DGKH: variants seen among roughly 807,000 people sequenced by gnomAD.
DGKH encodes the protein DAG kinase eta.
Under a neutral mutation model 159.3 loss-of-function variants are expected in DGKH, and 90 were observed. The ratio of observed to expected loss-of-function variants is 0.57; its 90% CI spans 0.48 to 0.67. The LOEUF (loss-of-function observed/expected upper bound fraction) is 0.67. DGKH is among the 30% of genes least tolerant of loss of function. The probability of loss-of-function intolerance (pLI) is 0.00; values close to 1 mark genes in which losing one functional copy is unlikely to be tolerated. For synonymous variants in DGKH, 536 were observed against 553.8 expected (o/e 0.97, Z 0.45); for missense variants, 1,181 against 1,506.1 (o/e 0.78, Z 3.57).
At chr13:42,042,308 A>G (rs1185373276) in intron 1 of DGKH, among the ~76,000 whole-genome samples, 1 of 152,260 alleles carries the variant, frequency 6.6e-6, no homozygotes, top group African/African-American at 2.4e-5. Flanking sequence ...ACCAATCACA[A>G]TGGAAATATC....
At chr13:42,056,211 A>G (rs1297864621) in intron 1 of DGKH, among the ~76,000 whole-genome samples, 1 of 152,198 alleles carries the variant, frequency 6.6e-6, no homozygotes, top group Non-Finnish European at 1.5e-5. Flanking sequence ...TTCCTATTTT[A>G]TATAGTTCCT....
intron 11 of DGKH, among the ~76,000 whole-genome samples, chr13:42,170,063 T>A (rs1956407659): frequency 6.6e-6 from 1 of 152,186 alleles, no homozygotes; most frequent in Admixed American, 6.5e-5. Flanking sequence ...AGATTGGAAA[T>A]AAATAAATAA....
intron 11 of DGKH, among the ~76,000 whole-genome samples, chr13:42,169,474 G>A (rs2138020749): frequency 6.6e-6 from 1 of 152,238 alleles, no homozygotes; most frequent in East Asian, 1.9e-4. Flanking sequence ...TGTTATGGAG[G>A]AAGTGTTTAA....
At position 42,127,464 on chromosome 13, in the gene DGKH, C is replaced by A. The variant is rs758216608; in HGVS notation, c.194C>A (p.Thr65Asn). Residue 65 changes from threonine to asparagine, a missense_variant and splice_region_variant, in exon 2 of 30, where the codon ACC (threonine) becomes AAC (asparagine). Thr to Asn is a moderately conservative substitution (Grantham distance 65, BLOSUM62 0). Coordinates refer to ENST00000337343, the MANE Select transcript of DGKH (RefSeq NM_178009.5). Reference protein sequence around the residue: ...VSTSGQIRTKTSIKEGQLLKQ... With the variant: ...VSTSGQIRTKNSIKEGQLLKQ... ...CATTGTGCTTCTGCTTCTCTCTAGA[C>A]CAGTATTAAAGAGGGACAGCTATTG... The A allele has an allele frequency of 1.9e-5, 31 of 1,609,928 alleles. No individual in the cohort carries two copies. The South Asian group carries it at 3.3e-4, about 17-fold the overall frequency.
chr13:42,254,502 G>C (rs1356192089), intron 30 of DGKH, among the ~76,000 whole-genome samples: 1 of 151,826 alleles, frequency 6.6e-6, no homozygotes, highest in South Asian at 2.1e-4. Flanking sequence ...GCATGGTGGC[G>C]GGTGCCTATA....
At position 42,160,031 on chromosome 13, in the gene DGKH, G is replaced by T. The variant is rs775996653; in HGVS notation, c.750G>T (p.Trp250Cys). 7 of 1,614,030 alleles carry T rather than the reference G, an allele frequency of 4.3e-6. No individual in the cohort carries two copies. Among genetic ancestry groups the T allele is most frequent in the Non-Finnish European group, 5.9e-6 (7 of 1,180,040 alleles). The change falls in exon 7 of 30, where the codon TGG (tryptophan) becomes TGT (cysteine). Residue 250 changes from tryptophan (W) to cysteine (C), a missense_variant. Physicochemically the swap from Trp to Cys is radical, Grantham distance 215 (BLOSUM62 -2). Around this residue, in one of 5 missense-constraint regions of DGKH, gnomAD observed 369 missense variants for 519.4 expected, o/e 0.71. Coordinates refer to ENST00000337343, the MANE Select transcript of DGKH (RefSeq NM_178009.5). ...CACAGGTCGCGATGCCTCACCAGTG[G>T]CTTGAGGGCAACCTGCCTGTAAGTG... ...DEDGVAMPHQ[W>C]LEGNLPVSAK...
At chr13:42,192,105 T>C (rs972309692) in intron 16 of DGKH, among the ~76,000 whole-genome samples, 1 of 152,174 alleles carries the variant, frequency 6.6e-6, no homozygotes, top group African/African-American at 2.4e-5. Flanking sequence ...TTGTTGTTAT[T>C]TTTATTGCTA....
intron 29 of DGKH, among the ~76,000 whole-genome samples, chr13:42,223,812 T>C (rs925435021): frequency 6.6e-6 from 1 of 152,130 alleles, no homozygotes; most frequent in Admixed American, 6.6e-5. Flanking sequence ...ATTACCTTCA[T>C]AGTGGTTAAG....
At chr13:42,055,716 T>G (rs1472237186) in intron 1 of DGKH, among the ~76,000 whole-genome samples, 1 of 152,248 alleles carries the variant, frequency 6.6e-6, no homozygotes, top group Non-Finnish European at 1.5e-5. Flanking sequence ...AAGGTTTTAA[T>G]TAAAGAGAGT....
At chr13:42,165,305 T>G (rs2138002195) in intron 7 of DGKH, 26 bp from the exon 8 acceptor site, 2 of 1,254,052 alleles carry the variant, frequency 1.6e-6, no homozygotes, top group Non-Finnish European at 2.2e-6. Context: ...TTTATGATTC[T>G]TGAAGGTATA....
At chr13:42,107,437 G>A (rs1039524926) in intron 1 of DGKH, among the ~76,000 whole-genome samples, 4 of 152,206 alleles carry the variant, frequency 2.6e-5, no homozygotes, top group Non-Finnish European at 5.9e-5. Flanking sequence ...CTTCCATGCC[G>A]AATTAAAGGG....
chr13:42,184,443 A>G (rs1281135199), intron 13 of DGKH, among the ~76,000 whole-genome samples: 1 of 152,216 alleles, frequency 6.6e-6, no homozygotes, highest in African/African-American at 2.4e-5. Flanking sequence ...GATAGTGGAA[A>G]TCATCAGGTA....
At chr13:42,114,296 T>A (rs1954923990) in intron 1 of DGKH, among the ~76,000 whole-genome samples, 1 of 152,222 alleles carries the variant, frequency 6.6e-6, no homozygotes, top group South Asian at 2.1e-4. Context: ...ACAGTGCTGC[T>A]GGGTTCCTGC....
chr13:42,240,336 C>T lies in DGKH; in HGVS notation c.*11148C>T, dbSNP rs573579883. The T allele has an allele frequency of 2.0e-5, 3 of 152,316 alleles. No homozygotes were observed. The highest frequency in any genetic ancestry group is 6.5e-5 in the Admixed American group (1 of 15,310). The allele number at this position is 152,316 out of a possible 1,614,324, so 9.4% of individuals were successfully genotyped here. ...GAGCAGTTGTTTTGTGAAAAATAATCATCTGTTAGCTGTAAATCAGAAATA... is the reference window on the plus strand; with the variant it reads ...GAGCAGTTGTTTTGTGAAAAATAATTATCTGTTAGCTGTAAATCAGAAATA... On this transcript the variant is annotated 3_prime_UTR_variant, in exon 30 of 30. Coordinates refer to ENST00000337343, the MANE Select transcript of DGKH (RefSeq NM_178009.5).
chr13:42,209,202 C>T, intron 22 of DGKH, 129 bp from the exon 23 acceptor site: 2 of 1,384,344 alleles, frequency 1.4e-6, no homozygotes, highest in Non-Finnish European at 9.8e-7. Context: ...CAGTTTTTAC[C>T]ATGTCATTTA....
At chr13:42,123,785 GA>G (rs1227804920) in intron 1 of DGKH, among the ~76,000 whole-genome samples, 2 of 152,210 alleles carry the variant, frequency 1.3e-5, no homozygotes, top group East Asian at 3.8e-4. Context: ...ACCACAATGA[GA>G]TACTATGTAC....
At chr13:42,196,996 G>A (rs1049984027) in intron 17 of DGKH, among the ~76,000 whole-genome samples, 1 of 152,080 alleles carries the variant, frequency 6.6e-6, no homozygotes, top group African/African-American at 2.4e-5. Flanking sequence ...GCTCACGCCT[G>A]TAATCCCAGC....
intron 28 of DGKH, 21 bp downstream of exon 28, chr13:42,219,815 G>A: frequency 6.3e-7 from 1 of 1,598,426 alleles, no homozygotes; most frequent in Non-Finnish European, 8.6e-7. Context: ...CATATGGAAG[G>A]GGAAATATAA....
intron 2 of DGKH, among the ~76,000 whole-genome samples, chr13:42,128,889 T>C (rs1358796098): frequency 6.6e-6 from 1 of 152,198 alleles, no homozygotes; most frequent in Non-Finnish European, 1.5e-5. Context: ...AAGTTCTAGT[T>C]TCCGCAGTTC....
Sources: gnomAD v4.1 joint callset for allele counts (sites outside exome capture counted in the v4.1 genomes callset) on GRCh38, gnomAD v4.1.1 for gene constraint, gnomAD v4.1.1 regional missense constraint, MANE v1.5 for transcripts, NCBI Gene and HGNC (gene_info 2026-07-23, HGNC 2026-07-21) for gene names.